Variants in GAS2 observed in about 807,000 individuals in gnomAD.
GAS2 encodes growth arrest specific 2.
GAS2 carries 20 observed loss-of-function variants against 37.5 expected under a neutral mutation model. That is an observed-to-expected ratio of 0.53 (90% CI 0.37 to 0.77). The LOEUF (loss-of-function observed/expected upper bound fraction) is 0.77. Ranked by LOEUF, GAS2 falls within the 30% of genes least tolerant of loss-of-function variation. The pLI is 0.00. For synonymous variants in GAS2, 144 were observed against 132.2 expected (o/e 1.09, Z -0.61); for missense variants, 336 against 373.4 (o/e 0.90, Z 0.82).
intron 4 of GAS2, among the ~76,000 whole-genome samples, chr11:22,734,052 G>A (rs1427390626): frequency 2.0e-5 from 3 of 151,726 alleles, no homozygotes; most frequent in Non-Finnish European, 4.4e-5. Flanking sequence ...ACATATGACT[G>A]CATGCTAGGG....
chr11:22,749,875 C>A (rs559270009), intron 6 of GAS2, among the ~76,000 whole-genome samples: 1 of 151,850 alleles, frequency 6.6e-6, no homozygotes, highest in Non-Finnish European at 1.5e-5. Flanking sequence ...CACAGTAAAC[C>A]GTTTTTAGGT....
At chr11:22,732,811 T>C (rs200346756) in intron 4 of GAS2, among the ~76,000 whole-genome samples, 1,739 of 148,654 alleles carry the variant, frequency 0.012, 33 homozygotes, top group African/African-American at 0.04. Context: ...ATCATCATCA[T>C]CACCACCACC....
chr11:22,780,557 C>CA (rs34289288), intron 7 of GAS2, among the ~76,000 whole-genome samples: 7,253 of 90,252 alleles, frequency 0.08, 491 homozygotes, highest in East Asian at 0.18. Context: ...GACTCTGTCT[C>CA]AAAAAAAAAA....
At position 22,789,326 on chromosome 11, in the gene GAS2, ACACACAAAC is replaced by A. The variant is rs1184438157; in HGVS notation, c.724-22471_724-22463del. 1.3e-3 allele frequency among the ~76,000 whole-genome samples: 170 copies of A among 129,398 alleles called. 2 individuals carry two copies. Among genetic ancestry groups the A allele is most frequent in the African/African-American group, 4.8e-3 (156 of 32,570 alleles). 84.9% of individuals were successfully genotyped at this position (129,398 alleles called of 152,430 possible). A position where few individuals can be genotyped will look rare whatever the true frequency, so the allele number is the denominator to read the frequency against. On this transcript the variant is annotated intron_variant, in intron 7 of 7. Coordinates refer to ENST00000454584, the MANE Select transcript of GAS2 (RefSeq NM_001143830.3). Reference sequence around the variant, plus strand: ...TATACACACACACACACACACACACACACACAAACACACACACACACATAGGCATACATA... The same window carrying A: ...TATACACACACACACACACACACACAACACACACACACATAGGCATACATA...
At chr11:22,688,994 G>C (rs1465740794) in intron 3 of GAS2, among the ~76,000 whole-genome samples, 1 of 152,078 alleles carries the variant, frequency 6.6e-6, no homozygotes, top group African/African-American at 2.4e-5. Context: ...CAGAAACATG[G>C]GGGCAGCTGA....
chr11:22,737,885 T>G (rs770029870), intron 5 of GAS2, 117 bp downstream of exon 5: 7 of 881,692 alleles, frequency 7.9e-6, no homozygotes, highest in Non-Finnish European at 1.3e-5. Context: ...AAGCTACTCA[T>G]TCACGATGAT....
intron 4 of GAS2, 81 bp from the exon 5 acceptor site, chr11:22,737,624 T>C: frequency 2.3e-6 from 3 of 1,287,668 alleles, no homozygotes; most frequent in South Asian, 1.2e-5. Context: ...GCACGAGGAA[T>C]GAGGGTCATT....
chr11:22,725,229 C>T (rs995656189), intron 3 of GAS2, among the ~76,000 whole-genome samples: 13 of 151,920 alleles, frequency 8.6e-5, no homozygotes, highest in African/African-American at 2.2e-4. Context: ...TAAAATTTTA[C>T]GAGATGGTTA....
chr11:22,801,356 G>T (rs769519787), intron 7 of GAS2, among the ~76,000 whole-genome samples: 3 of 151,870 alleles, frequency 2.0e-5, no homozygotes, highest in Non-Finnish European at 4.4e-5. Context: ...GTTAACATGG[G>T]AAAGTTAACT....
At chr11:22,789,674 C>G (rs558330946) in intron 7 of GAS2, among the ~76,000 whole-genome samples, 21 of 150,948 alleles carry the variant, frequency 1.4e-4, no homozygotes, top group African/African-American at 4.9e-4. Flanking sequence ...ACCGCGTTAA[C>G]CAGAATGGTC....
intron 3 of GAS2, among the ~76,000 whole-genome samples, chr11:22,698,183 G>A (rs1003824844): frequency 1.3e-4 from 19 of 151,962 alleles, no homozygotes; most frequent in African/African-American, 1.7e-4. Flanking sequence ...ATGATAAAGG[G>A]GATATCACCA....
intron 7 of GAS2, among the ~76,000 whole-genome samples, chr11:22,811,396 G>A (rs1359597000): frequency 1.3e-5 from 2 of 152,004 alleles, no homozygotes; most frequent in Non-Finnish European, 2.9e-5. Context: ...CATTTCCATG[G>A]TCCTTAAAAT....
intron 3 of GAS2, among the ~76,000 whole-genome samples, chr11:22,711,323 T>A (rs1259604807): frequency 1.3e-5 from 2 of 152,130 alleles, no homozygotes; most frequent in Non-Finnish European, 2.9e-5. Context: ...GCACTTCCAG[T>A]CTTCAAGTGA....
At chr11:22,698,390 C>CA (rs1485360538) in intron 3 of GAS2, among the ~76,000 whole-genome samples, 4 of 151,808 alleles carry the variant, frequency 2.6e-5, no homozygotes, top group Admixed American at 1.3e-4. Flanking sequence ...GCTTACCAAC[C>CA]AAAAAGAGTC....
chr11:22,722,904 C>T (rs1852014586), intron 3 of GAS2, among the ~76,000 whole-genome samples: 2 of 151,756 alleles, frequency 1.3e-5, no homozygotes, highest in Admixed American at 1.3e-4. Flanking sequence ...GAGAATTAAG[C>T]AGTTAGTTAA....
intron 7 of GAS2, among the ~76,000 whole-genome samples, chr11:22,767,734 A>G (rs1854768510): frequency 6.6e-6 from 1 of 152,218 alleles, no homozygotes; most frequent in Non-Finnish European, 1.5e-5. Context: ...TCAGTAAGAA[A>G]TATGCTTTGC....
At position 22,789,870 on chromosome 11, in the gene GAS2, G is replaced by A. The variant is rs182408349; in HGVS notation, c.724-21928G>A. ...TATATTTTACTTCAGAATGCTGACCGAGTTATAAAACAAGTAAATGGTTCC... is the reference window on the plus strand; with the variant it reads ...TATATTTTACTTCAGAATGCTGACCAAGTTATAAAACAAGTAAATGGTTCC... On this transcript the variant is annotated intron_variant, in intron 7 of 7. Transcript: ENST00000454584. Among the ~76,000 whole-genome samples, 8 of 152,060 alleles carry A rather than the reference G, an allele frequency of 5.3e-5. No homozygotes were observed. In the East Asian group the frequency reaches 1.2e-3, roughly 22 times the overall value.
intron 7 of GAS2, among the ~76,000 whole-genome samples, chr11:22,792,580 T>C (rs1278687025): frequency 6.6e-6 from 1 of 152,242 alleles, no homozygotes; most frequent in Non-Finnish European, 1.5e-5. Context: ...TGGGAGTTTA[T>C]GTCTAAAAAC....
intron 7 of GAS2, among the ~76,000 whole-genome samples, chr11:22,769,147 T>G (rs2896652): frequency 0.44 from 67,337 of 151,994 alleles, 15,214 homozygotes; most frequent in East Asian, 0.59. Context: ...CCTAAGGTGG[T>G]CTTTAGCGTT....
Sources: allele counts gnomAD v4.1 joint callset (sites outside exome capture counted in the v4.1 genomes callset), GRCh38; gene constraint gnomAD v4.1.1; transcripts MANE v1.5; gene names NCBI Gene and HGNC (gene_info 2026-07-23, HGNC 2026-07-21).